SLFN5: variants seen among roughly 807,000 people sequenced by gnomAD.
SLFN5 encodes schlafen family member 5.
In SLFN5, 34 loss-of-function variants were observed where a neutral mutation model predicts 48.5. The observed-to-expected ratio is 0.70, with a 90% confidence interval of 0.53 to 0.93. SLFN5 has a LOEUF of 0.93. SLFN5 is among the 40% of genes least tolerant of loss of function. The probability of loss-of-function intolerance (pLI) is 0.00; values close to 1 mark genes in which losing one functional copy is unlikely to be tolerated. For missense variants in SLFN5, 1,006 were observed against 1,071.3 expected (o/e 0.94, Z 0.85); for synonymous variants, 387 against 396.2 (o/e 0.98, Z 0.28).
rs1236470973 is a variant in SLFN5 at position 35,259,721 on chromosome 17, C to T, written c.1012+19C>T. 1 of 1,596,526 alleles carries T rather than the reference C, an allele frequency of 6.3e-7. No homozygotes were observed. The highest frequency in any genetic ancestry group is 1.1e-5 in the South Asian group (1 of 90,744). ...GACCCAGGTTAGGGAGCAATATCCA[C>T]AATGGTTGTAATGTTTGCTGGCAGC... On this transcript the variant is annotated intron_variant, in intron 2 of 4. Coordinates refer to ENST00000299977, the MANE Select transcript of SLFN5 (RefSeq NM_144975.4).
chr17:35,266,150 GTGT>G lies in SLFN5; in HGVS notation c.*263_*265del. The G allele has an allele frequency of 4.4e-6, 1 of 229,814 alleles. No individual in the cohort carries two copies. Among genetic ancestry groups the G allele is most frequent in the East Asian group, 7.9e-5 (1 of 12,616 alleles). The allele number at this position is 229,814 out of a possible 1,614,324, so 14.2% of individuals were successfully genotyped here. On this transcript the variant is annotated 3_prime_UTR_variant, in exon 5 of 5. Coordinates refer to ENST00000299977, the MANE Select transcript of SLFN5 (RefSeq NM_144975.4). The stretch of plus-strand genomic sequence containing the variant: ...GACCGTGAGACTCAGAGATGTGTGT[GTGT>G]GTGTGTGTGTGTGTGTGTGTGTGTG...
chr17:35,263,731 G>A (rs1242148373), intron 3 of SLFN5, among the ~76,000 whole-genome samples: 1 of 146,340 alleles, frequency 6.8e-6, no homozygotes, highest in Non-Finnish European at 1.5e-5. Flanking sequence ...GCTGAGGCAG[G>A]AGAATCACTT....
chr17:35,247,374 C>T (rs2092433259), intron 1 of SLFN5, among the ~76,000 whole-genome samples: 1 of 152,172 alleles, frequency 6.6e-6, no homozygotes, highest in Non-Finnish European at 1.5e-5. Context: ...TCTGAATAAA[C>T]AGCCTCTGCT....
At position 35,259,639 on chromosome 17, in the gene SLFN5, G is replaced by A. The variant is rs777077328; in HGVS notation, c.949G>A (p.Asp317Asn). Reference protein sequence around the residue: ...AKVPSSWQVKDNRVRQLPTRE... With the variant: ...AKVPSSWQVKNNRVRQLPTRE... Reference sequence around the variant, plus strand: ...AGTGCCTAGTTCCTGGCAGGTGAAGGACAACCGTGTGAGACAATTGCCCAC... The same window carrying A: ...AGTGCCTAGTTCCTGGCAGGTGAAGAACAACCGTGTGAGACAATTGCCCAC... The change falls in exon 2 of 5, where the codon GAC becomes AAC. Residue 317 changes from aspartate (D) to asparagine (N), a missense_variant. Asp to Asn is a conservative substitution (Grantham distance 23, BLOSUM62 1). Transcript: ENST00000299977. The A allele has an allele frequency of 1.9e-6, 3 of 1,603,918 alleles. No homozygotes were observed. In the South Asian group the frequency reaches 3.3e-5, roughly 18 times the overall value.
chr17:35,244,311 G>A (rs962556425), intron 1 of SLFN5, among the ~76,000 whole-genome samples: 2 of 152,142 alleles, frequency 1.3e-5, no homozygotes, highest in Admixed American at 1.3e-4. Flanking sequence ...ACCAGAAGGG[G>A]ATCCTTTGTC....
Position 35,259,007 on chromosome 17 carries a change from C to T in SLFN5, c.317C>T (p.Ala106Val), listed in dbSNP as rs534863838. The change falls in exon 2 of 5, where the codon GCT (alanine) becomes GTT (valine). Residue 106 changes from alanine to valine, a missense_variant. Transcript: ENST00000299977. ...TTTGTGAAATCATGGAACACAGAGG[C>T]TGGTGTGCCACTTGCTACCTTATGC... is the stretch of plus-strand genomic sequence containing the variant. ...LIFVKSWNTE[A>V]GVPLATLCSN... 55 of 1,614,126 alleles carry T rather than the reference C, an allele frequency of 3.4e-5. No individual in the cohort carries two copies. The Admixed American group carries it at 7.3e-4, about 22-fold the overall frequency.
At chr17:35,245,661 T>G (rs1274196583) in intron 1 of SLFN5, among the ~76,000 whole-genome samples, 1 of 152,244 alleles carries the variant, frequency 6.6e-6, no homozygotes, top group Non-Finnish European at 1.5e-5. Flanking sequence ...TGGGTACCAA[T>G]AGTTCTTTCC....
intron 1 of SLFN5, among the ~76,000 whole-genome samples, chr17:35,255,475 G>T (rs776983775): frequency 2.0e-5 from 3 of 152,202 alleles, no homozygotes; most frequent in African/African-American, 7.2e-5. Flanking sequence ...ATGTGCATAC[G>T]CATGGGTGTT....
Position 35,264,757 on chromosome 17 carries a change from CAG to C in SLFN5, c.1718_1719del (p.Glu573ValfsTer17). ...TGCTTTCAAAGAACCTTCGCAAGAC[CAG>C]AGAGTTGTTTGTTCATGGCTTACCT... Reference protein sequence around the residue: ...ELLSKNLRKTRELFVHGLPGS... With the variant: ...ELLSKNLRKTXELFVHGLPGS... On this transcript the variant is annotated frameshift_variant, in exon 4 of 5. Transcript: ENST00000299977. LOFTEE classifies it high-confidence loss of function. The C allele has an allele frequency of 1.9e-6, 3 of 1,598,854 alleles. No homozygotes were observed. The highest frequency in any genetic ancestry group is 2.6e-6 in the Non-Finnish European group (3 of 1,174,286).
chr17:35,260,322 C>A (rs2142700481), intron 2 of SLFN5, among the ~76,000 whole-genome samples: 1 of 152,302 alleles, frequency 6.6e-6, no homozygotes, highest in South Asian at 2.1e-4. Context: ...ATAGTAACTT[C>A]TTCAAAGGTC....
chr17:35,259,293 G>T lies in SLFN5; in HGVS notation c.603G>T (p.Ser201=), dbSNP rs777714710. The change falls in exon 2 of 5, where the codon TCG becomes TCT. Residue 201 remains serine (S), a synonymous_variant. Coordinates refer to ENST00000299977, the MANE Select transcript of SLFN5 (RefSeq NM_144975.4). ...CACATGTTGAATTTGTAATGTTCTC[G>T]ACAGACGTGTCACACTGTGTTAAAG... ...ESTHVEFVMF[S]TDVSHCVKDR... is the part of the protein sequence containing the mutation. The T allele has an allele frequency of 1.2e-5, 19 of 1,614,018 alleles. No individual in the cohort carries two copies. Among genetic ancestry groups the T allele is most frequent in the African/African-American group, 8.0e-5 (6 of 74,914 alleles).
At chr17:35,247,635 A>G (rs1232077262) in intron 1 of SLFN5, among the ~76,000 whole-genome samples, 1 of 152,032 alleles carries the variant, frequency 6.6e-6, no homozygotes, top group Non-Finnish European at 1.5e-5. Context: ...ATTGGTTCCC[A>G]TTTATTTGGC....
At chr17:35,248,672 C>T (rs2092436025) in intron 1 of SLFN5, among the ~76,000 whole-genome samples, 1 of 152,064 alleles carries the variant, frequency 6.6e-6, no homozygotes, top group African/African-American at 2.4e-5. Context: ...ATCCATCCCT[C>T]TCTTTAAGCC....
chr17:35,258,683 C>T lies in SLFN5; in HGVS notation c.-8C>T. ...TTTCAGGATAGGAATAGGCCAAGTGCTGAGAAGATGAGTCTTAGGATTGAT... is the reference window on the plus strand; with the variant it reads ...TTTCAGGATAGGAATAGGCCAAGTGTTGAGAAGATGAGTCTTAGGATTGAT... On this transcript the variant is annotated 5_prime_UTR_variant, in exon 2 of 5. Transcript: ENST00000299977. 6.2e-7 allele frequency: 1 copy of T among 1,607,672 alleles called. No homozygotes were observed. Among genetic ancestry groups the T allele is most frequent in the Non-Finnish European group, 8.5e-7 (1 of 1,175,722 alleles).
chr17:35,264,511 C>T lies in SLFN5; in HGVS notation c.1467C>T (p.Cys489=), dbSNP rs1347033714. The T allele has an allele frequency of 1.2e-6, 2 of 1,613,932 alleles. No individual in the cohort carries two copies. The highest frequency in any genetic ancestry group is 2.2e-5 in the East Asian group (1 of 44,904). Reference sequence around the variant, plus strand: ...AAGGCGGCTACACTGGGAGGTTATGCATCACCCCCTTGGTCTGTGTGCTGA... The same window carrying T: ...AAGGCGGCTACACTGGGAGGTTATGTATCACCCCCTTGGTCTGTGTGCTGA... ...VNKGGYTGRL[C]ITPLVCVLNS... The change falls in exon 4 of 5, where the codon TGC becomes TGT. Residue 489 remains cysteine, a synonymous_variant. Transcript: ENST00000299977.
rs1342404587 is a variant in SLFN5, at chr17:35,267,417, C to T, written c.*1529C>T. 1 of 152,100 alleles carries T rather than the reference C, an allele frequency of 6.6e-6. No homozygotes were observed. Among genetic ancestry groups the T allele is most frequent in the Non-Finnish European group, 1.5e-5 (1 of 68,024 alleles). 9.4% of individuals were successfully genotyped at this position (152,100 alleles called of 1,614,324 possible). ...AATTTAAAAACTAGAAAAGGTTGGG[C>T]ATGGTGGCTCATGCTTGTGATCCCA... On this transcript the variant is annotated 3_prime_UTR_variant, in exon 5 of 5. Coordinates refer to ENST00000299977, the MANE Select transcript of SLFN5 (RefSeq NM_144975.4).
Position 35,245,115 on chromosome 17 carries a change from G to A in SLFN5, c.-41+1972G>A, listed in dbSNP as rs570676821. ...GGTAGCACCAAACCCTATATCTAAT[G>A]TGTTTTTTCCCTATACTTTCACTGT... is the stretch of plus-strand genomic sequence containing the variant. On this transcript the variant is annotated intron_variant, in intron 1 of 4. Coordinates refer to ENST00000299977, the MANE Select transcript of SLFN5 (RefSeq NM_144975.4). Among the ~76,000 whole-genome samples, 32 of 152,296 alleles carry A rather than the reference G, an allele frequency of 2.1e-4. No individual in the cohort carries two copies. The East Asian group carries it at 5.2e-3, about 25-fold the overall frequency.
intron 1 of SLFN5, among the ~76,000 whole-genome samples, chr17:35,249,240 G>T (rs1174109394): frequency 1.3e-5 from 2 of 152,096 alleles, no homozygotes; most frequent in African/African-American, 2.4e-5. Flanking sequence ...ACACCAAGCA[G>T]AACATTTTGA....
rs113526621 is a variant in SLFN5, at chr17:35,262,620, T to C, written c.1138+1524T>C. Among the ~76,000 whole-genome samples, 160 of 152,236 alleles carry C rather than the reference T, an allele frequency of 1.1e-3. 1 individual carries two copies. The highest frequency in any genetic ancestry group is 3.7e-3 in the African/African-American group (152 of 41,546). On this transcript the variant is annotated intron_variant, in intron 3 of 4. Transcript: ENST00000299977. Reference sequence around the variant, plus strand: ...GCTCACACCTGTAATCCTGGCACTTTAGGAGACCGAGGTGGGAGGATCACT... The same window carrying C: ...GCTCACACCTGTAATCCTGGCACTTCAGGAGACCGAGGTGGGAGGATCACT...
Sources: gnomAD v4.1 joint callset for allele counts (sites outside exome capture counted in the v4.1 genomes callset) on GRCh38, gnomAD v4.1.1 for gene constraint, MANE v1.5 for transcripts, NCBI Gene and HGNC (gene_info 2026-07-23, HGNC 2026-07-21) for gene names.